The following DISP1 variants were observed in gnomAD, a reference collection of about 807,000 sequenced individuals.
DISP1 encodes protein dispatched homolog 1.
DISP1 carries 30 observed loss-of-function variants against 37.3 expected under a neutral mutation model. That is an observed-to-expected ratio of 0.80 (90% CI 0.60 to 1.09). The LOEUF is 1.09. Ranked by LOEUF, DISP1 falls within the 50% of genes least tolerant of loss-of-function variation. The pLI is 0.00. For synonymous variants in DISP1, 634 were observed against 690.2 expected (o/e 0.92, Z 1.28); for missense variants, 1,598 against 1,879.5 (o/e 0.85, Z 2.77).
chr1:222,853,022 G>A (rs1481206104), intron 1 of DISP1, among the ~76,000 whole-genome samples: 1 of 152,162 alleles, frequency 6.6e-6, no homozygotes, highest in Admixed American at 6.6e-5. Flanking sequence ...GGGGTCTGAG[G>A]AGAGAGTAAA....
rs115187783 is a variant in DISP1 at position 222,948,448 on chromosome 1, A to T, written c.509+5116A>T. On this transcript the variant is annotated intron_variant, in intron 3 of 8. Coordinates refer to ENST00000675850, the MANE Select transcript of DISP1 (RefSeq NM_001377229.1). ...GTATGGGAGAACAGGGCAGTTTGGG[A>T]AAGTCTGCACAGGATGTCCTTGGTA... Among the ~76,000 whole-genome samples the T allele has an allele frequency of 4.4e-3, 672 of 152,292 alleles. 8 individuals are homozygous for T. The highest frequency in any genetic ancestry group is 0.016 in the African/African-American group (652 of 41,558).
At chr1:222,910,997 C>G (rs1672175856) in intron 1 of DISP1, among the ~76,000 whole-genome samples, 1 of 152,130 alleles carries the variant, frequency 6.6e-6, no homozygotes, top group South Asian at 2.1e-4. Context: ...TTTTAGCTGA[C>G]TTTTTTCCAG....
intron 3 of DISP1, 57 bp downstream of exon 3, chr1:222,943,389 A>C: frequency 6.2e-7 from 1 of 1,608,258 alleles, no homozygotes; most frequent in Non-Finnish European, 8.5e-7. Context: ...TGAACATGAC[A>C]GCTTGTGTTT....
At chr1:222,946,409 T>G (rs979650433) in intron 3 of DISP1, among the ~76,000 whole-genome samples, 1 of 150,714 alleles carries the variant, frequency 6.6e-6, no homozygotes, top group Non-Finnish European at 1.5e-5. Context: ...AAAAAGAATT[T>G]GAGCCTTTTG....
intron 2 of DISP1, among the ~76,000 whole-genome samples, chr1:222,929,406 CTG>C (rs897851804): frequency 8.6e-5 from 13 of 151,986 alleles, no homozygotes; most frequent in African/African-American, 1.2e-4. Flanking sequence ...TTAGTGAAAA[CTG>C]AGATATTTCA....
At chr1:222,988,045 A>G (rs1456880836) in intron 4 of DISP1, among the ~76,000 whole-genome samples, 4 of 152,236 alleles carry the variant, frequency 2.6e-5, no homozygotes, top group African/African-American at 9.6e-5. Context: ...GAAGTGTGAA[A>G]GCTTCTAGAC....
chr1:222,948,623 T>C (rs1173663858), intron 3 of DISP1, among the ~76,000 whole-genome samples: 1 of 152,228 alleles, frequency 6.6e-6, no homozygotes, highest in East Asian at 1.9e-4. Context: ...TTGTGGTTTA[T>C]TGCTATGTAA....
At chr1:222,942,165 T>C (rs1051322194) in intron 2 of DISP1, among the ~76,000 whole-genome samples, 1 of 152,136 alleles carries the variant, frequency 6.6e-6, no homozygotes, top group African/African-American at 2.4e-5. Context: ...ATTTTTCTCA[T>C]GTGCAGGCAA....
rs761256454 is a variant in DISP1 at position 223,002,907 on chromosome 1, A to G, written c.1510A>G (p.Thr504Ala). Reference protein sequence around the residue: ...SLFQDYLLMDTVYPAIAIVIV... With the variant: ...SLFQDYLLMDAVYPAIAIVIV... The stretch of plus-strand genomic sequence containing the variant: ...GTTTCAGGATTATCTTCTAATGGAT[A>G]CTGTGTATCCTGCCATAGCCATTGT... Residue 504 changes from threonine to alanine, a missense_variant, in exon 9 of 9, where the codon ACT (threonine) becomes GCT (alanine). Transcript: ENST00000675850. 1.9e-6 allele frequency: 3 copies of G among 1,613,976 alleles called. No individual in the cohort carries two copies. The highest frequency in any genetic ancestry group is 1.3e-5 in the African/African-American group (1 of 75,050).
intron 7 of DISP1, among the ~76,000 whole-genome samples, chr1:222,994,388 G>A (rs1479621146): frequency 2.0e-5 from 3 of 151,992 alleles, no homozygotes; most frequent in Non-Finnish European, 2.9e-5. Context: ...CCATGTACTC[G>A]ACCAGAATGT....
chr1:223,005,748 A>G lies in DISP1; in HGVS notation c.4351A>G (p.Asn1451Asp), dbSNP rs1679865812. The change falls in exon 9 of 9, where the codon AAC (asparagine) becomes GAC (aspartate). Residue 1451 changes from asparagine (N) to aspartate (D), a missense_variant. Physicochemically the swap from Asn to Asp is conservative, Grantham distance 23 (BLOSUM62 1). Coordinates refer to ENST00000675850, the MANE Select transcript of DISP1 (RefSeq NM_001377229.1). ...CTTGTCACAGACGGATGCAAGTGTG[A>G]ACTCAGAACATTTCAATCAGAATGA... ...LSLSQTDASV[N>D]SEHFNQNEPK... 1 of 1,614,104 alleles carries G rather than the reference A, an allele frequency of 6.2e-7. No individual in the cohort carries two copies. Among genetic ancestry groups the G allele is most frequent in the Non-Finnish European group, 8.5e-7 (1 of 1,180,044 alleles).
At chr1:222,927,471 G>A (rs544928506) in intron 1 of DISP1, among the ~76,000 whole-genome samples, 32 of 152,086 alleles carry the variant, frequency 2.1e-4, no homozygotes, top group Non-Finnish European at 3.8e-4. Context: ...GATATATGAC[G>A]TGCAAATATT....
chr1:222,977,203 T>TA (rs1317677594), intron 3 of DISP1, among the ~76,000 whole-genome samples: 1 of 109,372 alleles, frequency 9.1e-6, no homozygotes, highest in Non-Finnish European at 2.3e-5. Context: ...CTAGTTTTTG[T>TA]ATTTTTTTTT....
At chr1:222,881,636 G>A (rs1394155525) in intron 1 of DISP1, among the ~76,000 whole-genome samples, 1 of 152,168 alleles carries the variant, frequency 6.6e-6, no homozygotes, top group Non-Finnish European at 1.5e-5. Context: ...AGCCATGCTT[G>A]CAGCTTTATA....
intron 3 of DISP1, among the ~76,000 whole-genome samples, chr1:222,950,536 C>G (rs965678789): frequency 6.6e-6 from 1 of 151,818 alleles, no homozygotes; most frequent in Non-Finnish European, 1.5e-5. Flanking sequence ...GGAGGCAGAG[C>G]TTGCAGTGAT....
intron 3 of DISP1, among the ~76,000 whole-genome samples, chr1:222,947,188 G>A (rs1010240898): frequency 6.6e-6 from 1 of 151,932 alleles, no homozygotes; most frequent in African/African-American, 2.4e-5. Flanking sequence ...GCCTGCCCCT[G>A]GAAACCACTA....
chr1:222,863,551 A>G (rs2125330262), intron 1 of DISP1, among the ~76,000 whole-genome samples: 1 of 150,268 alleles, frequency 6.7e-6, no homozygotes, highest in African/African-American at 2.4e-5. Context: ...AAAAAAAAAA[A>G]TCTGTGGGGA....
chr1:222,846,843 C>T (rs114600999), intron 1 of DISP1, among the ~76,000 whole-genome samples: 1,779 of 152,340 alleles, frequency 0.012, 28 homozygotes, highest in African/African-American at 0.04. Context: ...TAGTCAGATT[C>T]TTAGTGAAAA....
rs766471930 is a variant in DISP1 at position 222,992,124 on chromosome 1, T to C, written c.889+14T>C. ...GCGACGTTCCAAGTGAGTGACATTG[T>C]AGATGAACAAACCACTCAGCAGTTT... On this transcript the variant is annotated intron_variant, in intron 7 of 8. Coordinates refer to ENST00000675850, the MANE Select transcript of DISP1 (RefSeq NM_001377229.1). The C allele has an allele frequency of 6.3e-7, 1 of 1,595,226 alleles. No individual in the cohort carries two copies. Among genetic ancestry groups the C allele is most frequent in the South Asian group, 1.1e-5 (1 of 90,674 alleles).
Sources: allele counts gnomAD v4.1 joint callset (sites outside exome capture counted in the v4.1 genomes callset), GRCh38; gene constraint gnomAD v4.1.1; transcripts MANE v1.5; gene names NCBI Gene and HGNC (gene_info 2026-07-23, HGNC 2026-07-21).